The following FARS2 variants were observed in gnomAD, a reference collection of about 807,000 sequenced individuals.
The protein encoded by FARS2 is phenylalanyl-tRNA synthetase 2, mitochondrial.
In FARS2, 40 loss-of-function variants were observed where a neutral mutation model predicts 46.4. That is an observed-to-expected ratio of 0.86 (90% CI 0.67 to 1.12). The LOEUF is 1.12. Among genes scored for constraint, FARS2 ranks in the 50% most tolerant of loss-of-function variants. FARS2 has a pLI of 0.00. For missense variants in FARS2, 513 were observed against 567.9 expected, an observed-to-expected ratio of 0.90 and a Z score of 0.98; for synonymous variants, 234 against 214.9, an observed-to-expected ratio of 1.09 and a Z score of -0.78.
At chr6:5,570,678 A>G (rs747361671) in intron 5 of FARS2, among the ~76,000 whole-genome samples, 7 of 152,308 alleles carry the variant, frequency 4.6e-5, no homozygotes, top group East Asian at 1.9e-4. Context: ...GGTTATTTCA[A>G]CCTCAAAAAG....
At chr6:5,291,968 G>T (rs1767536904) in intron 1 of FARS2, among the ~76,000 whole-genome samples, 1 of 152,160 alleles carries the variant, frequency 6.6e-6, no homozygotes, top group Non-Finnish European at 1.5e-5. Context: ...TAATATGGGT[G>T]ATCATTGTTA....
At chr6:5,301,379 A>G (rs915841886) in intron 1 of FARS2, among the ~76,000 whole-genome samples, 3 of 152,052 alleles carry the variant, frequency 2.0e-5, no homozygotes, top group Admixed American at 1.3e-4. Flanking sequence ...TGAGCCTAGG[A>G]GTTTGAGGCT....
At chr6:5,732,958 T>C (rs1046168450) in intron 6 of FARS2, among the ~76,000 whole-genome samples, 5 of 152,202 alleles carry the variant, frequency 3.3e-5, no homozygotes, top group African/African-American at 1.2e-4. Flanking sequence ...GAGACAGTCC[T>C]GGCCCCAAGC....
At chr6:5,592,466 T>A (rs1452519661) in intron 5 of FARS2, among the ~76,000 whole-genome samples, 1 of 152,050 alleles carries the variant, frequency 6.6e-6, no homozygotes, top group East Asian at 1.9e-4. Context: ...CTGGTTCAAA[T>A]CTTTAAGAGA....
chr6:5,439,586 G>A (rs180915682), intron 4 of FARS2, among the ~76,000 whole-genome samples: 114 of 152,314 alleles, frequency 7.5e-4, no homozygotes, highest in Admixed American at 1.4e-3. Flanking sequence ...ATCAGAGAGA[G>A]GGATAGACTG....
chr6:5,404,505 A>G, intron 2 of FARS2, 37 bp from the exon 3 acceptor site: 1 of 1,476,432 alleles, frequency 6.8e-7, no homozygotes, highest in Admixed American at 2.1e-5. Context: ...ATGGGCCAGG[A>G]TATTTTCTTT....
At position 5,430,975 on chromosome 6, in the gene FARS2, T is replaced by C. The variant is rs1763126081; in HGVS notation, c.773-66T>C. On this transcript the variant is annotated intron_variant, in intron 3 of 6. Transcript: ENST00000274680. ...TTGGTGTCATTAGTAGAAGGGAAAA[T>C]TTGATCACAAGAAAGGGCAGACAGC... 4.5e-6 allele frequency: 7 copies of C among 1,544,732 alleles called. No individual in the cohort carries two copies. In the East Asian group the frequency reaches 1.6e-4, roughly 35 times the overall value.
intron 5 of FARS2, among the ~76,000 whole-genome samples, chr6:5,545,940 C>G (rs1770953878): frequency 6.6e-6 from 1 of 152,098 alleles, no homozygotes; most frequent in South Asian, 2.1e-4. Context: ...CCAGCCTAGT[C>G]AACATGGTGA....
At chr6:5,451,226 T>G (rs975589875) in intron 4 of FARS2, among the ~76,000 whole-genome samples, 4 of 152,100 alleles carry the variant, frequency 2.6e-5, no homozygotes, top group Non-Finnish European at 5.9e-5. Flanking sequence ...GAAAAAGTCT[T>G]CAAATGTTGA....
rs35213574 is a variant in FARS2 at position 5,444,092 on chromosome 6, CGTGTGTGTGTGTGTGTGTGTGT to C, written c.904+12933_904+12954del. On this transcript the variant is annotated intron_variant, in intron 4 of 6. Coordinates refer to ENST00000274680, the MANE Select transcript of FARS2 (RefSeq NM_006567.5). Reference sequence around the variant, plus strand: ...AAGCCACTGATATATGGAAGATCCTCGTGTGTGTGTGTGTGTGTGTGTGTGTGTGTGTGTATGTGTGCATGCA... The same window carrying C: ...AAGCCACTGATATATGGAAGATCCTCGTGTGTGTGTGTATGTGTGCATGCA... 4.8e-5 allele frequency among the ~76,000 whole-genome samples: 7 copies of C among 146,314 alleles called. No homozygotes were observed. In the East Asian group the frequency reaches 1.0e-3, roughly 21 times the overall value.
At chr6:5,512,117 T>G (rs1425321272) in intron 4 of FARS2, among the ~76,000 whole-genome samples, 1 of 152,202 alleles carries the variant, frequency 6.6e-6, no homozygotes, top group African/African-American at 2.4e-5. Context: ...GAATGGGATG[T>G]TAGTCAGCAC....
intron 3 of FARS2, among the ~76,000 whole-genome samples, chr6:5,417,403 A>G (rs1762300677): frequency 6.6e-6 from 1 of 151,932 alleles, no homozygotes. Flanking sequence ...TAAAAAAAAA[A>G]TTGTAGAGAG....
intron 4 of FARS2, among the ~76,000 whole-genome samples, chr6:5,444,292 C>G (rs2127793040): frequency 6.6e-6 from 1 of 151,900 alleles, no homozygotes; most frequent in South Asian, 2.1e-4. Context: ...CATGGTGAAG[C>G]CCCGTCTCTA....
chr6:5,542,687 G>C (rs1251219976), intron 4 of FARS2, among the ~76,000 whole-genome samples: 1 of 152,084 alleles, frequency 6.6e-6, no homozygotes, highest in Non-Finnish European at 1.5e-5. Flanking sequence ...TTGGTTTATT[G>C]TAAAAAACTA....
intron 4 of FARS2, among the ~76,000 whole-genome samples, chr6:5,508,124 G>A (rs1768208400): frequency 6.6e-6 from 1 of 152,140 alleles, no homozygotes; most frequent in South Asian, 2.1e-4. Context: ...ATTCTAATGG[G>A]GAGTTATTAA....
intron 6 of FARS2, among the ~76,000 whole-genome samples, chr6:5,675,592 A>T (rs924801249): frequency 1.9e-4 from 29 of 152,348 alleles, no homozygotes; most frequent in African/African-American, 7.0e-4. Context: ...GTATAGTAAG[A>T]ACATCACCAA....
At chr6:5,491,240 T>C (rs1328519492) in intron 4 of FARS2, among the ~76,000 whole-genome samples, 1 of 152,196 alleles carries the variant, frequency 6.6e-6, no homozygotes, top group African/African-American at 2.4e-5. Flanking sequence ...TGTGAAGGGT[T>C]TGTCCAAATC....
At chr6:5,369,825 T>C (rs1048554957) in intron 2 of FARS2, among the ~76,000 whole-genome samples, 1 of 152,110 alleles carries the variant, frequency 6.6e-6, no homozygotes, top group Non-Finnish European at 1.5e-5. Flanking sequence ...TATCCTAATA[T>C]GTTGTGTGCA....
intron 3 of FARS2, among the ~76,000 whole-genome samples, chr6:5,426,009 T>G (rs1347864546): frequency 1.3e-5 from 2 of 152,042 alleles, no homozygotes; most frequent in Non-Finnish European, 2.9e-5. Context: ...GGCTGAGGCT[T>G]GAACCCAGGT....
Sources: allele counts gnomAD v4.1 joint callset (sites outside exome capture counted in the v4.1 genomes callset), GRCh38; gene constraint gnomAD v4.1.1; transcripts MANE v1.5; gene names NCBI Gene and HGNC (gene_info 2026-07-23, HGNC 2026-07-21).